The following NSMCE2 variants were observed in gnomAD, a reference collection of about 807,000 sequenced individuals.
The protein encoded by NSMCE2 is E3 SUMO-protein ligase NSE2.
In NSMCE2, 24 loss-of-function variants were observed where a neutral mutation model predicts 23.8. The ratio of observed to expected loss-of-function variants is 1.01; its 90% confidence interval spans 0.73 to 1.42. The LOEUF is 1.42. Among genes scored for constraint, NSMCE2 ranks in the 40% most tolerant of loss-of-function variants. The pLI is 0.00. For missense variants in NSMCE2, 284 were observed against 296.5 expected, an observed-to-expected ratio of 0.96 and a Z score of 0.31; for synonymous variants, 92 against 94.1, an observed-to-expected ratio of 0.98 and a Z score of 0.13.
chr8:125,200,848 A>G (rs903053060), intron 5 of NSMCE2, among the ~76,000 whole-genome samples: 1 of 151,954 alleles, frequency 6.6e-6, no homozygotes, highest in Non-Finnish European at 1.5e-5. Context: ...ATAGTCCCAT[A>G]TTTCTTGGAG....
chr8:125,101,631 A>AG (rs892520794), intron 1 of NSMCE2, among the ~76,000 whole-genome samples: 4 of 152,222 alleles, frequency 2.6e-5, no homozygotes, highest in Admixed American at 1.3e-4. Flanking sequence ...GTCCTTTTGT[A>AG]GGCAGCTTTA....
At chr8:125,118,561 C>T (rs1292026238) in intron 3 of NSMCE2, among the ~76,000 whole-genome samples, 1 of 152,124 alleles carries the variant, frequency 6.6e-6, no homozygotes, top group Non-Finnish European at 1.5e-5. Context: ...CTAGGTGGCA[C>T]CAGAACACTT....
At chr8:125,286,774 C>CAAAAAAAAAAA (rs11403131) in intron 5 of NSMCE2, among the ~76,000 whole-genome samples, 1 of 131,630 alleles carries the variant, frequency 7.6e-6, no homozygotes, top group Non-Finnish European at 1.6e-5. Context: ...AAGCCTAGAG[C>CAAAAAAAAAAA]AAAAAAAAAA....
intron 1 of NSMCE2, among the ~76,000 whole-genome samples, chr8:125,093,577 T>C (rs115527786): frequency 0.014 from 2,060 of 151,994 alleles, 40 homozygotes; most frequent in African/African-American, 0.048. Flanking sequence ...AATAACATAA[T>C]TGGTGTGTCC....
chr8:125,341,561 G>A (rs550583045), intron 5 of NSMCE2, among the ~76,000 whole-genome samples: 100 of 152,060 alleles, frequency 6.6e-4, no homozygotes, highest in Middle Eastern at 3.4e-3. Flanking sequence ...TTGTTACTGC[G>A]TTGATTCATC....
At chr8:125,355,275 G>A (rs959038373) in intron 5 of NSMCE2, among the ~76,000 whole-genome samples, 3 of 152,028 alleles carry the variant, frequency 2.0e-5, no homozygotes, top group Non-Finnish European at 4.4e-5. Flanking sequence ...CACACATTGA[G>A]GAAAGCCATT....
At chr8:125,252,122 A>C (rs548720444) in intron 5 of NSMCE2, among the ~76,000 whole-genome samples, 18 of 152,334 alleles carry the variant, frequency 1.2e-4, no homozygotes, top group African/African-American at 4.1e-4. Flanking sequence ...GTCAGCAAAA[A>C]GAGGATAGCA....
intron 5 of NSMCE2, among the ~76,000 whole-genome samples, chr8:125,341,037 A>T (rs1164430563): frequency 6.6e-6 from 1 of 152,172 alleles, no homozygotes; most frequent in Non-Finnish European, 1.5e-5. Context: ...CCTCAAATTC[A>T]GAGAGAGGCT....
intron 5 of NSMCE2, among the ~76,000 whole-genome samples, chr8:125,254,379 G>A (rs191173640): frequency 1.6e-4 from 25 of 152,168 alleles, no homozygotes; most frequent in Admixed American, 1.1e-3. Context: ...AGCTGTAAAC[G>A]GGACCCAATT....
At chr8:125,202,237 T>A (rs1823916696) in intron 5 of NSMCE2, among the ~76,000 whole-genome samples, 1 of 152,180 alleles carries the variant, frequency 6.6e-6, no homozygotes, top group Non-Finnish European at 1.5e-5. Context: ...GTCCAACCAG[T>A]CCCAGTGAGA....
At chr8:125,355,955 A>G (rs982931349) in intron 5 of NSMCE2, among the ~76,000 whole-genome samples, 2 of 152,136 alleles carry the variant, frequency 1.3e-5, no homozygotes, top group African/African-American at 4.8e-5. Context: ...GCAGTTCTCA[A>G]AGTGCAGGCC....
intron 5 of NSMCE2, among the ~76,000 whole-genome samples, chr8:125,200,424 C>A (rs1227369364): frequency 2.0e-5 from 3 of 152,132 alleles, no homozygotes; most frequent in Non-Finnish European, 2.9e-5. Context: ...ATTTCTCCTT[C>A]ACTTATGAAG....
rs553335935 is a variant in NSMCE2 at position 125,342,839 on chromosome 8, C to T, written c.419-14380C>T. Among the ~76,000 whole-genome samples, 4 of 152,222 alleles carry T rather than the reference C, an allele frequency of 2.6e-5. 1 individual carries two copies. The highest frequency in any genetic ancestry group is 9.6e-5 in the African/African-American group (4 of 41,534). On this transcript the variant is annotated intron_variant, in intron 5 of 7. Transcript: ENST00000287437. ...ATTGGCTCTGACCACTTTGTCAGGC[C>T]GTGGAGCTGAGCTACATTTTGGGGA...
intron 5 of NSMCE2, among the ~76,000 whole-genome samples, chr8:125,293,407 TGTG>T (rs1345165439): frequency 6.6e-6 from 1 of 152,228 alleles, no homozygotes; most frequent in Non-Finnish European, 1.5e-5. Flanking sequence ...AAATGGCTGT[TGTG>T]GTGCTGACCA....
At chr8:125,203,539 T>C (rs953525585) in intron 5 of NSMCE2, among the ~76,000 whole-genome samples, 1 of 152,236 alleles carries the variant, frequency 6.6e-6, no homozygotes, top group Non-Finnish European at 1.5e-5. Context: ...AGACTCTTTT[T>C]TAAGAACAGT....
intron 5 of NSMCE2, among the ~76,000 whole-genome samples, chr8:125,336,258 TAATC>T (rs1830060748): frequency 6.6e-6 from 1 of 152,212 alleles, no homozygotes; most frequent in Non-Finnish European, 1.5e-5. Flanking sequence ...GCATATTAAA[TAATC>T]AATTACTCAA....
intron 5 of NSMCE2, among the ~76,000 whole-genome samples, chr8:125,317,594 T>C (rs1000271712): frequency 2.6e-5 from 4 of 152,236 alleles, no homozygotes; most frequent in Non-Finnish European, 5.9e-5. Flanking sequence ...GTCTTCCATG[T>C]TTTATTAATC....
chr8:125,266,844 C>T (rs191494724), intron 5 of NSMCE2, among the ~76,000 whole-genome samples: 2 of 152,134 alleles, frequency 1.3e-5, no homozygotes, highest in African/African-American at 4.8e-5. Context: ...AAATTGTACT[C>T]CAGTGTCTGT....
Position 125,291,221 on chromosome 8 carries a change from C to T in NSMCE2, c.419-65998C>T, listed in dbSNP as rs150319807. 3.9e-3 allele frequency among the ~76,000 whole-genome samples: 588 copies of T among 152,158 alleles called. 5 individuals are homozygous for T. The highest frequency in any genetic ancestry group is 0.014 in the African/African-American group (569 of 41,512). On this transcript the variant is annotated intron_variant, in intron 5 of 7. Coordinates refer to ENST00000287437, the MANE Select transcript of NSMCE2 (RefSeq NM_173685.4). The stretch of plus-strand genomic sequence containing the variant: ...GCTGTACTAACTTTGCTTATTCATC[C>T]GAAGAGACTGGAGGTGGTAATCATA...
Sources: allele counts gnomAD v4.1 joint callset (sites outside exome capture counted in the v4.1 genomes callset), GRCh38; gene constraint gnomAD v4.1.1; transcripts MANE v1.5; gene names NCBI Gene and HGNC (gene_info 2026-07-23, HGNC 2026-07-21).